CSPP1: variants seen among roughly 807,000 people sequenced by gnomAD.
CSPP1 encodes the protein centrosome and spindle pole-associated protein 1.
A neutral mutation model predicts 164.4 loss-of-function variants in CSPP1; 126 were observed. The observed-to-expected ratio is 0.77, with a 90% CI of 0.66 to 0.89. CSPP1 has a LOEUF of 0.89. Among genes scored for constraint, CSPP1 ranks in the 40% least tolerant of loss-of-function variants. The probability of loss-of-function intolerance (pLI) is 0.00; values close to 1 mark genes in which losing one functional copy is unlikely to be tolerated. For synonymous variants in CSPP1, 472 were observed against 476.7 expected (o/e 0.99, Z 0.13); for missense variants, 1,395 against 1,449.8 (o/e 0.96, Z 0.61).
intron 14 of CSPP1, 81 bp downstream of exon 14, chr8:67,118,450 C>G: frequency 4.2e-6 from 6 of 1,413,522 alleles, no homozygotes; most frequent in Non-Finnish European, 6.0e-6. Context: ...CAAAAAATAT[C>G]TAAATGAGAA....
chr8:67,159,104 T>G lies in CSPP1; in HGVS notation c.2505T>G (p.Cys835Trp). ...EKYNLQLQHY[C>W]ERDNLIGEET... ...ATAACCTGCAACTTCAGCACTACTGTGAAAGAGACAATTTGATTGGGGAAG... is the reference window on the plus strand; with the variant it reads ...ATAACCTGCAACTTCAGCACTACTGGGAAAGAGACAATTTGATTGGGGAAG... The change falls in exon 21 of 31, where the codon TGT becomes TGG. Residue 835 changes from cysteine (C) to tryptophan (W), a missense_variant. Cys to Trp is a radical substitution (Grantham distance 215). Transcript: ENST00000678616. The G allele has an allele frequency of 6.2e-7, 1 of 1,602,162 alleles. No homozygotes were observed. Among genetic ancestry groups the G allele is most frequent in the Non-Finnish European group, 8.5e-7 (1 of 1,177,186 alleles).
At chr8:67,177,753 G>C (rs1832035524) in intron 27 of CSPP1, 27 bp downstream of exon 27, 3 of 1,572,448 alleles carry the variant, frequency 1.9e-6, no homozygotes, top group Non-Finnish European at 2.6e-6. Flanking sequence ...AATTTTTCAA[G>C]TTAGTTTTTG....
chr8:67,149,050 C>G (rs1433118942), intron 17 of CSPP1, among the ~76,000 whole-genome samples: 1 of 152,146 alleles, frequency 6.6e-6, no homozygotes, highest in African/African-American at 2.4e-5. Context: ...TGGCAGTAGT[C>G]ATCTGAGGCT....
At chr8:67,159,945 C>T (rs1315599361) in intron 21 of CSPP1, among the ~76,000 whole-genome samples, 1 of 35,110 alleles carries the variant, frequency 2.8e-5, no homozygotes, top group African/African-American at 9.6e-5. Context: ...TTCCTTCCTT[C>T]CTTCCTTCCT....
chr8:67,147,649 G>T (rs958074649), intron 17 of CSPP1, among the ~76,000 whole-genome samples: 8 of 151,776 alleles, frequency 5.3e-5, no homozygotes, highest in African/African-American at 1.9e-4. Flanking sequence ...CTTTGAACTG[G>T]CTTGACAGTT....
At chr8:67,126,095 G>A (rs1192810822) in intron 15 of CSPP1, among the ~76,000 whole-genome samples, 1 of 152,172 alleles carries the variant, frequency 6.6e-6, no homozygotes, top group Admixed American at 6.5e-5. Context: ...GCCTCTCAAA[G>A]TGCTGGGATT....
Position 67,172,571 on chromosome 8 carries a change from C to T in CSPP1, c.2968+16C>T. On this transcript the variant is annotated intron_variant, in intron 25 of 30. Coordinates refer to ENST00000678616, the MANE Select transcript of CSPP1 (RefSeq NM_001382391.1). ...AAAGATAGAGGTGAGTAGATTGCTG[C>T]TCTTTTAAAGATGTAGCAGAAGTGT... 6.2e-7 allele frequency: 1 copy of T among 1,601,376 alleles called. No homozygotes were observed. Among genetic ancestry groups the T allele is most frequent in the Non-Finnish European group, 8.5e-7 (1 of 1,172,632 alleles).
intron 28 of CSPP1, among the ~76,000 whole-genome samples, chr8:67,188,362 CAG>C (rs1835262997): frequency 6.6e-6 from 1 of 152,158 alleles, no homozygotes; most frequent in South Asian, 2.1e-4. Flanking sequence ...CCTTTAAACA[CAG>C]GGCTTGTAAC....
intron 7 of CSPP1, among the ~76,000 whole-genome samples, chr8:67,102,112 A>G (rs1166219455): frequency 2.0e-5 from 3 of 152,246 alleles, no homozygotes; most frequent in East Asian, 1.9e-4. Flanking sequence ...AACAGAAAAC[A>G]TGCTAATCTT....
intron 24 of CSPP1, among the ~76,000 whole-genome samples, chr8:67,167,333 G>A (rs1322441642): frequency 1.5e-4 from 20 of 137,190 alleles, no homozygotes; most frequent in East Asian, 4.6e-4. Flanking sequence ...CGGATGGGGC[G>A]GCGGCTGGGC....
chr8:67,168,035 C>G (rs1043293170), intron 24 of CSPP1, among the ~76,000 whole-genome samples: 1 of 152,246 alleles, frequency 6.6e-6, no homozygotes, highest in Non-Finnish European at 1.5e-5. Flanking sequence ...GAGACTCCGT[C>G]TGCAATCCCG....
chr8:67,136,972 A>T (rs1173773806), intron 16 of CSPP1, among the ~76,000 whole-genome samples: 1 of 151,850 alleles, frequency 6.6e-6, no homozygotes, highest in Admixed American at 6.6e-5. Context: ...CCATTGAATT[A>T]TTTTTATTTT....
intron 19 of CSPP1, among the ~76,000 whole-genome samples, 190 bp from the exon 20 acceptor site, chr8:67,158,257 A>C (rs981540584): frequency 6.6e-5 from 10 of 152,222 alleles, no homozygotes; most frequent in African/African-American, 2.4e-4. Context: ...GTGGAACTGG[A>C]ATTTAACTCA....
chr8:67,066,493 G>A (rs1252893508), intron 1 of CSPP1, among the ~76,000 whole-genome samples: 1 of 151,628 alleles, frequency 6.6e-6, no homozygotes, highest in Non-Finnish European at 1.5e-5. Context: ...CCTACTCTAG[G>A]GTCTCTTTTT....
intron 1 of CSPP1, among the ~76,000 whole-genome samples, chr8:67,066,349 T>G (rs1490701182): frequency 3.9e-5 from 6 of 152,096 alleles, no homozygotes; most frequent in Admixed American, 3.9e-4. Context: ...GGTAGATGGA[T>G]CTCTGGATGG....
intron 29 of CSPP1, among the ~76,000 whole-genome samples, chr8:67,190,987 A>G (rs1836064093): frequency 6.6e-6 from 1 of 152,188 alleles, no homozygotes; most frequent in Non-Finnish European, 1.5e-5. Context: ...GGGTGGCTGT[A>G]AGTAGCTCCT....
chr8:67,117,690 C>T (rs1003067246), intron 13 of CSPP1, among the ~76,000 whole-genome samples: 3 of 152,136 alleles, frequency 2.0e-5, no homozygotes, highest in South Asian at 2.1e-4. Flanking sequence ...AGCTCTTTGC[C>T]TTCTCTTTCT....
In CSPP1 at chr8:67,103,104, A is replaced by T. The variant is rs781126437; in HGVS notation, c.991A>T (p.Asn331Tyr). ...EHDGDVIEQSNIRISSAENKS... is the reference protein window; with the variant it reads ...EHDGDVIEQSYIRISSAENKS... ...TGATGGGGATGTTATAGAACAGTCA[A>T]ACATAAGAATTTCATCTGCTGAAAA... The change falls in exon 8 of 31, where the codon AAC becomes TAC. Residue 331 changes from asparagine (N) to tyrosine (Y), a missense_variant. Physicochemically the swap from Asn to Tyr is moderately radical, Grantham distance 143. Coordinates refer to ENST00000678616, the MANE Select transcript of CSPP1 (RefSeq NM_001382391.1). 3.1e-6 allele frequency: 5 copies of T among 1,607,970 alleles called. No homozygotes were observed. The East Asian group carries it at 1.1e-4, about 36-fold the overall frequency.
intron 1 of CSPP1, among the ~76,000 whole-genome samples, chr8:67,066,722 T>C (rs1472025264): frequency 2.6e-5 from 4 of 152,196 alleles, no homozygotes; most frequent in African/African-American, 9.6e-5. Flanking sequence ...ACAAGAATCA[T>C]GTTTATATAT....
Sources: gnomAD v4.1 joint callset for allele counts (sites outside exome capture counted in the v4.1 genomes callset) on GRCh38, gnomAD v4.1.1 for gene constraint, MANE v1.5 for transcripts, NCBI Gene and HGNC (gene_info 2026-07-23, HGNC 2026-07-21) for gene names.